Variants in PPEF1 observed in about 807,000 individuals in gnomAD.
The protein encoded by PPEF1 is serine/threonine-protein phosphatase with EF-hands 1.
A neutral mutation model predicts 53.3 loss-of-function variants in PPEF1; 12 were observed. That is an observed-to-expected ratio of 0.23 (90% CI 0.14 to 0.36). PPEF1 has a LOEUF of 0.36. Among genes scored for constraint, PPEF1 ranks in the 10% least tolerant of loss-of-function variants. The probability of loss-of-function intolerance (pLI) is 1.00; values close to 1 mark genes in which losing one functional copy is unlikely to be tolerated. For missense variants in PPEF1, 334 were observed against 490.4 expected (o/e 0.68, Z 3.01); for synonymous variants, 165 against 176.7 (o/e 0.93, Z 0.52).
intron 6 of PPEF1, among the ~76,000 whole-genome samples, chrX:18,763,946 G>A (rs771207882): frequency 1.5e-3 from 164 of 111,433 alleles, no homozygotes; most frequent in Non-Finnish European, 2.6e-3. Context: ...GGAGCCGAGG[G>A]GGCTGGTGAA....
intron 5 of PPEF1, among the ~76,000 whole-genome samples, chrX:18,760,277 G>A (rs1360071021): frequency 3.6e-5 from 4 of 111,228 alleles, no homozygotes; most frequent in Non-Finnish European, 7.5e-5. Flanking sequence ...ATGAGCCACC[G>A]TGCCTGGCCT....
chrX:18,716,948 T>C (rs1276507225), intron 1 of PPEF1, among the ~76,000 whole-genome samples: 2 of 110,491 alleles, frequency 1.8e-5, no homozygotes, highest in Non-Finnish European at 3.8e-5. Context: ...TCTGTAGCTG[T>C]GGGAGGGGTA....
At chrX:18,684,994 C>G (rs1643467330) in intron 2 of PPEF1, among the ~76,000 whole-genome samples, 1 of 112,120 alleles carries the variant, frequency 8.9e-6, no homozygotes, top group Non-Finnish European at 1.9e-5. Context: ...AATTTGACTA[C>G]TACTGCCCAC....
At chrX:18,706,777 C>T (rs762299701), upstream of PPEF1, among the ~76,000 whole-genome samples, 283 of 102,295 alleles carry the variant, frequency 2.8e-3, 2 homozygotes, top group African/African-American at 9.5e-3. Context: ...GACACTCTCA[C>T]AGATTACAAT....
In PPEF1 at chrX:18,789,139, C is replaced by G. The variant is rs1490282832; in HGVS notation, c.931C>G (p.Pro311Ala). 4 of 1,211,284 alleles carry G rather than the reference C, an allele frequency of 3.3e-6. No individual in the cohort carries two copies. The Admixed American group carries it at 8.7e-5, about 26-fold the overall frequency. Residue 311 changes from proline to alanine, a missense_variant, in exon 10 of 16, where the codon CCA becomes GCA. By Grantham distance (27) the Pro-to-Ala change is conservative. Transcript: ENST00000470157. ...ERNKMKSVLIPPTETNRDHDT... is the reference protein window; with the variant it reads ...ERNKMKSVLIAPTETNRDHDT... ...TTTATAGATGAAATCTGTGCTGATACCACCAACGGAAACAAACAGAGACCA... is the reference window on the plus strand; with the variant it reads ...TTTATAGATGAAATCTGTGCTGATAGCACCAACGGAAACAAACAGAGACCA...
At chrX:18,798,862 A>G (rs2046486004) in intron 10 of PPEF1, among the ~76,000 whole-genome samples, 1 of 111,203 alleles carries the variant, frequency 9.0e-6, no homozygotes, top group Non-Finnish European at 1.9e-5. Flanking sequence ...GACCTCGTTC[A>G]TGATCCACCC....
At chrX:18,740,239 G>T (rs2045116065) in intron 3 of PPEF1, among the ~76,000 whole-genome samples, 1 of 112,225 alleles carries the variant, frequency 8.9e-6, no homozygotes, top group Non-Finnish European at 1.9e-5. Flanking sequence ...GACTGGAGCT[G>T]TTCCTATTCG....
rs778306505 is a variant in PPEF1, at chrX:18,725,348, C to T, written c.47-4833C>T. On this transcript the variant is annotated intron_variant, in intron 1 of 15. Transcript: ENST00000470157. ...AACTTGCAAGGAGGGTCCCACAGAA[C>T]TGAAGCCCAGACCTCTGAGAAGTGG... is the stretch of plus-strand genomic sequence containing the variant. 1.1e-3 allele frequency among the ~76,000 whole-genome samples: 122 copies of T among 112,066 alleles called. 1 individual carries two copies. Among genetic ancestry groups the T allele is most frequent in the Non-Finnish European group, 1.9e-3 (102 of 53,161 alleles).
chrX:18,750,403 A>G (rs1207817614), intron 4 of PPEF1, among the ~76,000 whole-genome samples: 1 of 112,101 alleles, frequency 8.9e-6, no homozygotes, highest in Non-Finnish European at 1.9e-5. Flanking sequence ...TGTAAATGAA[A>G]TCATCAAATA....
intron 2 of PPEF1, among the ~76,000 whole-genome samples, chrX:18,685,348 C>T (rs761685962): frequency 8.9e-6 from 1 of 112,107 alleles, no homozygotes; most frequent in East Asian, 2.8e-4. Context: ...CATTTAGAGG[C>T]TATCTGCATG....
chrX:18,689,614 C>T (rs1489315052), intron 3 of PPEF1, among the ~76,000 whole-genome samples: 2 of 109,923 alleles, frequency 1.8e-5, no homozygotes, highest in Non-Finnish European at 3.8e-5. Flanking sequence ...ACAGCCCCAC[C>T]CCAGACCTAC....
In PPEF1 at chrX:18,806,539, G is replaced by A. The variant is rs751898921; in HGVS notation, c.1388G>A (p.Arg463His). The A allele has an allele frequency of 2.2e-5, 26 of 1,205,003 alleles. No individual in the cohort carries two copies. In the African/African-American group the frequency reaches 3.2e-4, roughly 15 times the overall value. The change falls in exon 12 of 16, where the codon CGC becomes CAC. Residue 463 changes from arginine to histidine, a missense_variant. Physicochemically the swap from Arg to His is conservative, Grantham distance 29. Transcript: ENST00000470157. ...AAAGCAACGTGCTTTCAGCCTCTTC[G>A]CCAAAGGTGTGTATACTATACCGAG... ...VTKATCFQPL[R>H]QRVDTMENSA...
chrX:18,716,855 C>T (rs1031496353), intron 1 of PPEF1, among the ~76,000 whole-genome samples: 1 of 110,186 alleles, frequency 9.1e-6, no homozygotes, highest in African/African-American at 3.3e-5. Context: ...GAACTCGGAC[C>T]GTCCTCATTT....
chrX:18,767,054 GAAAAA>G (rs897841108), intron 6 of PPEF1, among the ~76,000 whole-genome samples: 3 of 107,419 alleles, frequency 2.8e-5, no homozygotes, highest in Non-Finnish European at 3.9e-5. Flanking sequence ...CTCTGTCTCA[GAAAAA>G]AAAAGAAAAG....
intron 4 of PPEF1, among the ~76,000 whole-genome samples, chrX:18,696,794 C>G (rs1381671465): frequency 1.8e-5 from 2 of 111,020 alleles, no homozygotes; most frequent in Non-Finnish European, 3.8e-5. Context: ...GGGAGGCCAG[C>G]CCTGTCTGAG....
chrX:18,738,306 G>T (rs1216557227), intron 3 of PPEF1, among the ~76,000 whole-genome samples: 2 of 111,776 alleles, frequency 1.8e-5, no homozygotes, highest in East Asian at 2.8e-4. Context: ...AGGAGCTCTT[G>T]TAAGGCAGGC....
intron 1 of PPEF1, among the ~76,000 whole-genome samples, chrX:18,726,240 G>A (rs767667272): frequency 9.0e-6 from 1 of 110,623 alleles, no homozygotes; most frequent in African/African-American, 3.3e-5. Context: ...TGTAGTCCCA[G>A]CTACTGGGGA....
chrX:18,817,068 ATGTGTGTG>A (rs72334387), intron 12 of PPEF1, among the ~76,000 whole-genome samples: 17,379 of 99,856 alleles, frequency 0.17, 1,070 homozygotes, highest in Admixed American at 0.25. Context: ...TCATTTTGCC[ATGTGTGTG>A]TGTGTGTGTG....
intron 6 of PPEF1, among the ~76,000 whole-genome samples, chrX:18,702,026 C>T (rs1035133218): frequency 8.9e-6 from 1 of 111,916 alleles, no homozygotes; most frequent in Non-Finnish European, 1.9e-5. Context: ...CCTCCCCTTA[C>T]TCATTTAAGA....
Sources: allele counts gnomAD v4.1 joint callset (sites outside exome capture counted in the v4.1 genomes callset), GRCh38; gene constraint gnomAD v4.1.1; transcripts MANE v1.5; gene names NCBI Gene and HGNC (gene_info 2026-07-23, HGNC 2026-07-21).